The following SAMD12 variants were observed in gnomAD, a reference collection of about 807,000 sequenced individuals.
SAMD12 encodes sterile alpha motif domain-containing protein 12.
In SAMD12, 9 loss-of-function variants were observed where a neutral mutation model predicts 15.0. The ratio of observed to expected loss-of-function variants is 0.60; its 90% CI spans 0.36 to 1.05. SAMD12 has a LOEUF of 1.05. Among genes scored for constraint, SAMD12 ranks in the 50% least tolerant of loss-of-function variants. The probability of loss-of-function intolerance (pLI) is 0.01; values close to 1 mark genes in which losing one functional copy is unlikely to be tolerated. For missense variants in SAMD12, 230 were observed against 234.2 expected (o/e 0.98, Z 0.12); for synonymous variants, 86 against 90.1 (o/e 0.96, Z 0.25).
chr8:118,302,140 G>T (rs534566612), intron 4 of SAMD12, among the ~76,000 whole-genome samples: 2 of 128,774 alleles, frequency 1.6e-5, no homozygotes, highest in South Asian at 5.0e-4. Context: ...ACCAAAGAGA[G>T]AAAAATTAAA....
chr8:118,374,656 C>T (rs527520747), downstream of SAMD12, among the ~76,000 whole-genome samples: 1 of 152,084 alleles, frequency 6.6e-6, no homozygotes, highest in South Asian at 2.1e-4. Flanking sequence ...ATTTTCTGTT[C>T]TTTTGGTAGT....
intron 3 of SAMD12, among the ~76,000 whole-genome samples, chr8:118,434,746 C>G (rs1297975634): frequency 2.0e-5 from 3 of 152,190 alleles, no homozygotes. Context: ...AACCTAACCT[C>G]ATGATTTCAG....
chr8:118,440,925 A>C (rs892087558), intron 2 of SAMD12, among the ~76,000 whole-genome samples: 9 of 152,130 alleles, frequency 5.9e-5, no homozygotes, highest in Non-Finnish European at 1.2e-4. Flanking sequence ...TGCCAAAAAA[A>C]GTAAGGCTAT....
intron 3 of SAMD12, among the ~76,000 whole-genome samples, chr8:118,423,600 C>T (rs1031507669): frequency 6.6e-6 from 1 of 152,048 alleles, no homozygotes; most frequent in Non-Finnish European, 1.5e-5. Context: ...GCATGTCCAC[C>T]CCCATGCTTA....
chr8:118,300,574 TG>T (rs1305510806), intron 4 of SAMD12, among the ~76,000 whole-genome samples: 1 of 152,162 alleles, frequency 6.6e-6, no homozygotes, highest in Non-Finnish European at 1.5e-5. Context: ...TAGTTTTCAG[TG>T]TGTCGTCCCA....
At chr8:118,547,561 A>G (rs1022775011) in intron 2 of SAMD12, among the ~76,000 whole-genome samples, 2 of 152,196 alleles carry the variant, frequency 1.3e-5, no homozygotes, top group African/African-American at 4.8e-5. Flanking sequence ...GTAAGTGTAC[A>G]ATACAGGTTG....
chr8:118,404,398 C>T (rs1012607316), intron 3 of SAMD12, among the ~76,000 whole-genome samples: 10 of 152,244 alleles, frequency 6.6e-5, no homozygotes, highest in African/African-American at 2.4e-4. Context: ...AATACTTTTT[C>T]GGTCTCATTC....
At chr8:118,603,255 G>A (rs1453493259) in intron 1 of SAMD12, among the ~76,000 whole-genome samples, 1 of 152,106 alleles carries the variant, frequency 6.6e-6, no homozygotes, top group Non-Finnish European at 1.5e-5. Context: ...TGAACAACAT[G>A]CATTTCCATT....
chr8:118,428,566 T>C (rs552836782), intron 3 of SAMD12, among the ~76,000 whole-genome samples: 1 of 152,304 alleles, frequency 6.6e-6, no homozygotes, highest in Non-Finnish European at 1.5e-5. Flanking sequence ...TCTATAAAGT[T>C]TTAAATTTAG....
chr8:118,543,613 T>A (rs1826043087), intron 2 of SAMD12, among the ~76,000 whole-genome samples: 1 of 145,950 alleles, frequency 6.9e-6, no homozygotes, highest in Admixed American at 6.7e-5. Flanking sequence ...GATTTTTTTT[T>A]CTTTTCTTTC....
the SAMD12 span, among the ~76,000 whole-genome samples, chr8:118,165,620 A>ACACATATATACATATATATGTG: frequency 1.9e-4 from 25 of 132,338 alleles, no homozygotes; most frequent in Non-Finnish European, 2.6e-4. Context: ...ATATGTATAT[A>ACACATATATACATATATATGTG]TATATATATA....
intron 2 of SAMD12, among the ~76,000 whole-genome samples, chr8:118,551,562 C>A (rs529045126): frequency 4.0e-4 from 61 of 152,144 alleles, no homozygotes; most frequent in Non-Finnish European, 3.4e-4. Flanking sequence ...TAAATGCCAA[C>A]AAGAGAAAGC....
At chr8:118,142,134 G>C in the SAMD12 span, among the ~76,000 whole-genome samples, 1 of 152,164 alleles carries the variant, frequency 6.6e-6, no homozygotes, top group Non-Finnish European at 1.5e-5. Flanking sequence ...GTTGTTCCAA[G>C]GCCTCAGAGG....
In SAMD12 at chr8:118,193,292, C is replaced by T. The variant is rs1819458256; in HGVS notation, c.*4418G>A. 1.3e-5 allele frequency: 2 copies of T among 152,136 alleles called. 1 individual carries two copies. The highest frequency in any genetic ancestry group is 4.1e-4 in the South Asian group (2 of 4,832). 9.4% of individuals were successfully genotyped at this position (152,136 alleles called of 1,614,324 possible). ...CTTGGCCAACTTTTCCTTAAGTTTC[C>T]CGCTTTCAAAAGAATGCTCTCTGTC... On this transcript the variant is annotated 3_prime_UTR_variant, in exon 5 of 5. Transcript: ENST00000409003.
At chr8:118,206,021 AT>A (rs1819854183) in intron 4 of SAMD12, among the ~76,000 whole-genome samples, 1 of 152,208 alleles carries the variant, frequency 6.6e-6, no homozygotes, top group East Asian at 1.9e-4. Context: ...ACTGACTCTG[AT>A]TCCTGGAGGT....
chr8:118,533,734 T>A (rs907716648), intron 2 of SAMD12, among the ~76,000 whole-genome samples: 1 of 152,222 alleles, frequency 6.6e-6, no homozygotes, highest in Non-Finnish European at 1.5e-5. Context: ...TGGTTTAAAG[T>A]CTGTTTTATC....
At chr8:118,204,365 G>T (rs899027059) in intron 4 of SAMD12, among the ~76,000 whole-genome samples, 1 of 152,116 alleles carries the variant, frequency 6.6e-6, no homozygotes, top group Non-Finnish European at 1.5e-5. Flanking sequence ...TGCCCCACAA[G>T]AATTTGACGA....
At chr8:118,133,607 A>G in the SAMD12 span, among the ~76,000 whole-genome samples, 1 of 152,154 alleles carries the variant, frequency 6.6e-6, no homozygotes, top group East Asian at 1.9e-4. Flanking sequence ...TTCCTTTTTT[A>G]GATTATGAAT....
chr8:118,545,082 G>A (rs558705536), intron 2 of SAMD12, among the ~76,000 whole-genome samples: 3 of 152,220 alleles, frequency 2.0e-5, no homozygotes, highest in Admixed American at 6.5e-5. Context: ...ACTACAAGTC[G>A]GTAGACCTTG....
Sources: gnomAD v4.1 joint callset for allele counts (sites outside exome capture counted in the v4.1 genomes callset) on GRCh38, gnomAD v4.1.1 for gene constraint, MANE v1.5 for transcripts, NCBI Gene and HGNC (gene_info 2026-07-23, HGNC 2026-07-21) for gene names.